Variants in ZNF251 observed in about 807,000 individuals in gnomAD.
The protein encoded by ZNF251 is zinc finger protein 251.
In ZNF251, 14 loss-of-function variants were observed where a neutral mutation model predicts 13.5. The ratio of observed to expected loss-of-function variants is 1.04; its 90% CI spans 0.69 to 1.63. The LOEUF is 1.63. ZNF251 is among the 40% of genes most tolerant of loss of function. The pLI, the probability that ZNF251 is intolerant of heterozygous loss-of-function variation, is 0.00. For missense variants in ZNF251, 764 were observed against 834.9 expected, an observed-to-expected ratio of 0.92 and a Z score of 1.05; for synonymous variants, 287 against 295.2, an observed-to-expected ratio of 0.97 and a Z score of 0.28.
At chr8:144,746,800 G>T (rs1260357827) in intron 4 of ZNF251, among the ~76,000 whole-genome samples, 1 of 151,910 alleles carries the variant, frequency 6.6e-6, no homozygotes, top group Non-Finnish European at 1.5e-5. Context: ...AAGTCTGTGG[G>T]ACATCTCTGT....
rs1161228636 is a variant in ZNF251, at chr8:144,722,241, G to C, written c.1419C>G (p.Ser473Arg). The change falls in exon 5 of 5, where the codon AGC (serine) becomes AGG (arginine). Residue 473 changes from serine (S) to arginine (R), a missense_variant. Ser to Arg is a moderately radical substitution (Grantham distance 110, BLOSUM62 -1). Coordinates refer to ENST00000292562, the MANE Select transcript of ZNF251 (RefSeq NM_138367.2). The surrounding 1 kb of genome is among the most constrained non-coding windows in gnomAD (Gnocchi z 4.8). ...CVECGKAFSQ[S>R]SQLTLHQRVH... is the part of the protein sequence containing the mutation. ...CTCGCTGATGTAGGGTGAGCTGGGA[G>C]CTCTGGCTGAAAGCTTTCCCACATT... is the stretch of plus-strand genomic sequence containing the variant. 2 of 1,613,744 alleles carry C rather than the reference G, an allele frequency of 1.2e-6. No homozygotes were observed. Among genetic ancestry groups the C allele is most frequent in the Non-Finnish European group, 1.7e-6 (2 of 1,179,910 alleles).
At chr8:144,754,054 G>A (rs1824832959) in intron 3 of ZNF251, 138 bp downstream of exon 3, 17 of 1,290,720 alleles carry the variant, frequency 1.3e-5, no homozygotes, top group Non-Finnish European at 1.8e-5. Flanking sequence ...CATGGGAAAT[G>A]TTCCTTCTGT....
chr8:144,727,511 T>C (rs971528840), intron 4 of ZNF251, among the ~76,000 whole-genome samples: 3 of 152,250 alleles, frequency 2.0e-5, no homozygotes, highest in African/African-American at 7.2e-5. Flanking sequence ...TGCTTCACCT[T>C]GTGCTTTTGT....
At chr8:144,750,846 G>GTTTTT (rs58473905) in intron 4 of ZNF251, among the ~76,000 whole-genome samples, 2 of 141,314 alleles carry the variant, frequency 1.4e-5, no homozygotes, top group African/African-American at 2.6e-5. Flanking sequence ...TCTCTCCAGA[G>GTTTTT]TTTTTTTTTT....
chr8:144,747,840 G>T (rs1296691732), intron 4 of ZNF251, among the ~76,000 whole-genome samples: 1 of 152,188 alleles, frequency 6.6e-6, no homozygotes, highest in Non-Finnish European at 1.5e-5. Flanking sequence ...TCGAACTCCT[G>T]ACCTCAGGTG....
intron 4 of ZNF251, among the ~76,000 whole-genome samples, chr8:144,727,309 CA>C (rs1388949164): frequency 2.6e-5 from 4 of 152,188 alleles, no homozygotes; most frequent in African/African-American, 9.7e-5. Context: ...ACAAGAGAGG[CA>C]GCCTGTCCTT....
chr8:144,736,131 C>A (rs2129978330), intron 4 of ZNF251, among the ~76,000 whole-genome samples: 1 of 152,332 alleles, frequency 6.6e-6, no homozygotes, highest in East Asian at 1.9e-4. Context: ...CCGTCAAACA[C>A]CTGGGCTCAC....
At chr8:144,729,973 GCAGGGCTGAGCCCACC>G in intron 4 of ZNF251, 1 of 872,988 alleles carries the variant, frequency 1.1e-6, no homozygotes, top group Non-Finnish European at 1.4e-6. Flanking sequence ...AACATTGCAG[GCAGGGCTGAGCCCACC>G]CAGGGCTGGC....
rs57521320 is a variant in ZNF251 at position 144,749,884 on chromosome 8, C to T, written c.277+3799G>A. Among the ~76,000 whole-genome samples the T allele has an allele frequency of 2.2e-3, 285 of 128,302 alleles. 1 individual carries two copies. The highest frequency in any genetic ancestry group is 4.3e-3 in the African/African-American group (136 of 31,448). The allele number at this position is 128,302 out of a possible 152,430, so 84.2% of individuals were successfully genotyped here. A position where few individuals can be genotyped will look rare whatever the true frequency, so the allele number is the denominator to read the frequency against. ...AATTTCTTTTTCTTTTCTTTTTTTT[C>T]TTTTTTTTTTTTTTTTAAGAAAGAT... On this transcript the variant is annotated intron_variant, in intron 4 of 4. Transcript: ENST00000292562.
rs927035107 is a variant in ZNF251 at position 144,741,413 on chromosome 8, G to A, written c.277+12270C>T. Among the ~76,000 whole-genome samples the A allele has an allele frequency of 4.6e-5, 7 of 152,130 alleles. No homozygotes were observed. In the East Asian group the frequency reaches 1.3e-3, roughly 29 times the overall value. On this transcript the variant is annotated intron_variant, in intron 4 of 4. Transcript: ENST00000292562. ...GCGTAAACATGTACATACACACGAT[G>A]CAGATACACATACACCCATACATAC...
chr8:144,741,892 A>G (rs1176830974), intron 4 of ZNF251, among the ~76,000 whole-genome samples: 1 of 152,218 alleles, frequency 6.6e-6, no homozygotes, highest in East Asian at 1.9e-4. Flanking sequence ...TTGGTATCTC[A>G]GGAGACCAGA....
chr8:144,742,830 A>C (rs1051008838), intron 4 of ZNF251, among the ~76,000 whole-genome samples: 5 of 152,204 alleles, frequency 3.3e-5, no homozygotes, highest in African/African-American at 1.2e-4. Context: ...AAATCCATGC[A>C]TACTCAAGTT....
chr8:144,754,446 A>C (rs776280969), intron 2 of ZNF251, 125 bp from the exon 3 acceptor site: 113 of 1,447,224 alleles, frequency 7.8e-5, no homozygotes, highest in Non-Finnish European at 9.9e-5. Flanking sequence ...ACTGTGTATC[A>C]GCAGGTCCCT....
chr8:144,723,052 T>G lies in ZNF251; in HGVS notation c.608A>C (p.Lys203Thr). Residue 203 changes from lysine (K) to threonine (T), a missense_variant, in exon 5 of 5, where the codon AAA (lysine) becomes ACA (threonine). Lys to Thr is a moderately conservative substitution (Grantham distance 78). Transcript: ENST00000292562. ...DQNVVRLQRNKTGERVFKCDI... is the reference protein window; with the variant it reads ...DQNVVRLQRNTTGERVFKCDI... ...ACATTTAAAGACCCTCTCTCCTGTT[T>G]TATTTCTTTGAAGTCTAACAACATT... 6.2e-7 allele frequency: 1 copy of G among 1,614,060 alleles called. No homozygotes were observed. Among genetic ancestry groups the G allele is most frequent in the South Asian group, 1.1e-5 (1 of 91,086 alleles).
chr8:144,747,566 T>C (rs553911154), intron 4 of ZNF251, among the ~76,000 whole-genome samples: 62 of 152,338 alleles, frequency 4.1e-4, no homozygotes, highest in Non-Finnish European at 6.9e-4. Context: ...GACAGTGAAC[T>C]CATCTATTTC....
chr8:144,751,989 T>C (rs1824716311), intron 4 of ZNF251, among the ~76,000 whole-genome samples: 3 of 152,280 alleles, frequency 2.0e-5, no homozygotes, highest in African/African-American at 7.2e-5. Context: ...CTCATAATGA[T>C]AGTCATAAGT....
chr8:144,741,499 C>T (rs1442896232), intron 4 of ZNF251, among the ~76,000 whole-genome samples: 4 of 152,170 alleles, frequency 2.6e-5, no homozygotes, highest in Admixed American at 1.3e-4. Flanking sequence ...AAATAGAGCA[C>T]GTTTTTGTGA....
chr8:144,726,435 G>T (rs1823519627), intron 4 of ZNF251, among the ~76,000 whole-genome samples: 1 of 151,868 alleles, frequency 6.6e-6, no homozygotes, highest in South Asian at 2.1e-4. Flanking sequence ...TACTCGGGAG[G>T]CTGAGGCAGG....
intron 1 of ZNF251, 184 bp downstream of exon 1, chr8:144,755,221 C>T (rs1824903765): frequency 2.6e-6 from 3 of 1,174,536 alleles, no homozygotes; most frequent in African/African-American, 1.7e-5. Flanking sequence ...AGCTGTGGTC[C>T]TCAGTCCAGC....
Sources: allele counts gnomAD v4.1 joint callset (sites outside exome capture counted in the v4.1 genomes callset), GRCh38; gene constraint gnomAD v4.1.1; non-coding constraint Gnocchi (gnomAD v3.1); transcripts MANE v1.5; gene names NCBI Gene and HGNC (gene_info 2026-07-23, HGNC 2026-07-21).